SYNE3: variants seen among roughly 807,000 people sequenced by gnomAD.
The protein encoded by SYNE3 is nesprin-3.
In SYNE3, 100 loss-of-function variants were observed where a neutral mutation model predicts 111.2. The observed-to-expected ratio is 0.90, with a 90% CI of 0.77 to 1.06. SYNE3 has a LOEUF of 1.06. Among genes scored for constraint, SYNE3 ranks in the 50% least tolerant of loss-of-function variants. The pLI is 0.00. For missense variants in SYNE3, 1,160 were observed against 1,240.3 expected (o/e 0.94, Z 0.97); for synonymous variants, 547 against 533.9 (o/e 1.02, Z -0.34).
rs1386465057 is a variant in SYNE3, at chr14:95,415,857, T to C, written c.*1969A>G. 1 of 152,180 alleles carries C rather than the reference T, an allele frequency of 6.6e-6. No homozygotes were observed. Among genetic ancestry groups the C allele is most frequent in the South Asian group, 2.1e-4 (1 of 4,824 alleles). 9.4% of individuals were successfully genotyped at this position (152,180 alleles called of 1,614,324 possible). On this transcript the variant is annotated 3_prime_UTR_variant, in exon 18 of 18. Transcript: ENST00000682763. The stretch of plus-strand genomic sequence containing the variant: ...TAAAAATACAAAAATTAGCTGGGCA[T>C]GGTGGCAGATGCCTGTAATCCCAGC...
At position 95,461,108 on chromosome 14, in the gene SYNE3, C is replaced by T. The variant is rs374203921; in HGVS notation, c.628-3770G>A. Among the ~76,000 whole-genome samples, 33 of 152,318 alleles carry T rather than the reference C, an allele frequency of 2.2e-4. No homozygotes were observed. In the East Asian group the frequency reaches 5.2e-3, roughly 24 times the overall value. On this transcript the variant is annotated intron_variant, in intron 4 of 17. Coordinates refer to ENST00000682763, the MANE Select transcript of SYNE3 (RefSeq NM_152592.6). The stretch of plus-strand genomic sequence containing the variant: ...CAAACGGGAAGGTGCTCAACCTTCT[C>T]GTTAGACCCAGCAATTACACCATCT...
intron 8 of SYNE3, 30 bp downstream of exon 8, chr14:95,449,901 G>A: frequency 7.7e-7 from 1 of 1,296,168 alleles, no homozygotes; most frequent in Non-Finnish European, 1.1e-6. Context: ...GCCCACCCCA[G>A]CCCCACCCAG....
In SYNE3 at chr14:95,450,074, C is replaced by T. The variant is rs1444658977; in HGVS notation, c.1306G>A (p.Ala436Thr). 6.4e-7 allele frequency: 1 copy of T among 1,574,628 alleles called. No homozygotes were observed. Among genetic ancestry groups the T allele is most frequent in the Non-Finnish European group, 8.6e-7 (1 of 1,159,818 alleles). Residue 436 changes from alanine to threonine, a missense_variant, in exon 8 of 18, where the codon GCC (alanine) becomes ACC (threonine). Coordinates refer to ENST00000682763, the MANE Select transcript of SYNE3 (RefSeq NM_152592.6). ...TGCTGCCACAGCTCCACCGCCGCGG[C>T]ATTGCGCAGCCTCGCGCTCTTCACC... is the stretch of plus-strand genomic sequence containing the variant. ...LKVKSARLRN[A>T]AAVELWQHFQ...
intron 10 of SYNE3, 28 bp downstream of exon 10, chr14:95,444,457 A>C (rs766541476): frequency 3.8e-6 from 6 of 1,582,656 alleles, no homozygotes; most frequent in African/African-American, 2.7e-5. Flanking sequence ...CCTGGGCAGG[A>C]GTGATTCAGG....
chr14:95,426,453 G>C (rs74078437), intron 17 of SYNE3, among the ~76,000 whole-genome samples: 1,783 of 152,212 alleles, frequency 0.012, 42 homozygotes, highest in African/African-American at 0.041. Flanking sequence ...CCCATCCCAC[G>C]TGAGAGAGAA....
chr14:95,469,583 T>C (rs1888400194), intron 2 of SYNE3, among the ~76,000 whole-genome samples: 1 of 150,226 alleles, frequency 6.7e-6, no homozygotes, highest in Non-Finnish European at 1.5e-5. Context: ...TAGTGGCATA[T>C]GCCTGTAGTC....
intron 17 of SYNE3, among the ~76,000 whole-genome samples, chr14:95,426,184 G>T (rs534763997): frequency 6.6e-5 from 10 of 152,310 alleles, no homozygotes; most frequent in African/African-American, 2.4e-4. Context: ...GCACCAACTT[G>T]TTCACAAATC....
chr14:95,510,839 T>C (rs1401476463), intron 1 of SYNE3, among the ~76,000 whole-genome samples: 1 of 151,804 alleles, frequency 6.6e-6, no homozygotes, highest in Non-Finnish European at 1.5e-5. Context: ...CAACTCCCGA[T>C]GCACCACTGC....
chr14:95,441,289 G>A (rs1886400644), intron 11 of SYNE3, among the ~76,000 whole-genome samples: 1 of 152,228 alleles, frequency 6.6e-6, no homozygotes, highest in Admixed American at 6.5e-5. Context: ...GGCCTGAGAA[G>A]TTATCTAAAA....
intron 17 of SYNE3, among the ~76,000 whole-genome samples, chr14:95,418,893 C>T (rs541469715): frequency 1.4e-4 from 21 of 152,190 alleles, no homozygotes; most frequent in Admixed American, 4.6e-4. Flanking sequence ...TGAGCCACCG[C>T]GCCTGGCCCC....
At chr14:95,491,172 T>A in intron 1 of SYNE3, among the ~76,000 whole-genome samples, 1 of 152,130 alleles carries the variant, frequency 6.6e-6, no homozygotes, top group East Asian at 1.9e-4. Flanking sequence ...TGACAGGACA[T>A]TCCAGTGAGC....
chr14:95,457,171 G>T lies in SYNE3; in HGVS notation c.789+6C>A. On this transcript the variant is annotated splice_donor_region_variant and intron_variant, in intron 5 of 17. Transcript: ENST00000682763. ...TCCCTCTGGTTGAGACACAGCTGGGGATTACCTGCAGTGTGGAGAGGCGCT... is the reference window on the plus strand; with the variant it reads ...TCCCTCTGGTTGAGACACAGCTGGGTATTACCTGCAGTGTGGAGAGGCGCT... 1 of 1,613,030 alleles carries T rather than the reference G, an allele frequency of 6.2e-7. No individual in the cohort carries two copies. Among genetic ancestry groups the T allele is most frequent in the Non-Finnish European group, 8.5e-7 (1 of 1,179,670 alleles).
At chr14:95,443,408 T>C in intron 10 of SYNE3, 119 bp from the exon 11 acceptor site, 1 of 1,310,664 alleles carries the variant, frequency 7.6e-7, no homozygotes, top group South Asian at 1.5e-5. Context: ...CCCAAGGCGG[T>C]GGGGCTCTTT....
At chr14:95,471,256 C>T (rs2139494471) in intron 2 of SYNE3, among the ~76,000 whole-genome samples, 1 of 152,330 alleles carries the variant, frequency 6.6e-6, no homozygotes, top group South Asian at 2.1e-4. Context: ...TCTCCCTTGG[C>T]CACACCCAGA....
At chr14:95,472,538 A>T (rs933960678) in intron 2 of SYNE3, among the ~76,000 whole-genome samples, 3 of 152,206 alleles carry the variant, frequency 2.0e-5, no homozygotes, top group Non-Finnish European at 4.4e-5. Flanking sequence ...CAGCTCTGCC[A>T]GCATACCCTG....
At chr14:95,484,292 A>T (rs549385702) in intron 1 of SYNE3, among the ~76,000 whole-genome samples, 1 of 151,972 alleles carries the variant, frequency 6.6e-6, no homozygotes, top group African/African-American at 2.4e-5. Context: ...TGCTGCAGAG[A>T]TATGTTCCTA....
chr14:95,490,684 T>C (rs1383199047), intron 1 of SYNE3, among the ~76,000 whole-genome samples: 1 of 152,176 alleles, frequency 6.6e-6, no homozygotes, highest in East Asian at 1.9e-4. Context: ...CTGCTGCTGG[T>C]TGGTGGGTGA....
chr14:95,441,320 C>G (rs1886401961), intron 11 of SYNE3, among the ~76,000 whole-genome samples: 2 of 152,170 alleles, frequency 1.3e-5, no homozygotes, highest in South Asian at 4.1e-4. Context: ...CTGAGTTGTC[C>G]CTACCACTGT....
chr14:95,494,746 T>C (rs1198963845), intron 1 of SYNE3, among the ~76,000 whole-genome samples: 1 of 152,204 alleles, frequency 6.6e-6, no homozygotes, highest in Admixed American at 6.5e-5. Flanking sequence ...TTAAGTCACA[T>C]GCTAGGAAAT....
Sources: allele counts gnomAD v4.1 joint callset (sites outside exome capture counted in the v4.1 genomes callset), GRCh38; gene constraint gnomAD v4.1.1; transcripts MANE v1.5; gene names NCBI Gene and HGNC (gene_info 2026-07-23, HGNC 2026-07-21).